RAPGEF5: variants seen among roughly 807,000 people sequenced by gnomAD.
The protein encoded by RAPGEF5 is Rap guanine nucleotide exchange factor 5, also known as M-Ras-regulated GEF.
RAPGEF5 carries 65 observed loss-of-function variants against 125.2 expected under a neutral mutation model. The observed-to-expected ratio is 0.52, with a 90% CI of 0.43 to 0.64. RAPGEF5 has a LOEUF of 0.64. RAPGEF5 is among the 30% of genes least tolerant of loss of function. The pLI, the probability that RAPGEF5 is intolerant of heterozygous loss-of-function variation, is 0.00. For missense variants in RAPGEF5, 958 were observed against 1,048.1 expected (o/e 0.91, Z 1.19); for synonymous variants, 391 against 385.9 (o/e 1.01, Z -0.16).
intron 1 of RAPGEF5, among the ~76,000 whole-genome samples, chr7:22,323,701 G>A (rs1472740362): frequency 6.6e-6 from 1 of 152,106 alleles, no homozygotes; most frequent in East Asian, 1.9e-4. Flanking sequence ...CCTCCCTACA[G>A]CAACCAACGT....
chr7:22,127,972 T>C (rs951222146), intron 24 of RAPGEF5, among the ~76,000 whole-genome samples: 1 of 152,204 alleles, frequency 6.6e-6, no homozygotes, highest in African/African-American at 2.4e-5. Flanking sequence ...ACCTGACTCA[T>C]GTCTGTGCAT....
intron 18 of RAPGEF5, among the ~76,000 whole-genome samples, chr7:22,147,958 C>T (rs542884324): frequency 2.7e-4 from 41 of 152,156 alleles, no homozygotes; most frequent in African/African-American, 7.9e-4. Flanking sequence ...TTGATGAAAA[C>T]GTTTCCTATT....
Position 22,150,499 on chromosome 7 carries a change from GC to G in RAPGEF5, c.1791del (p.Lys597AsnfsTer9). On this transcript the variant is annotated frameshift_variant, in exon 18 of 26. Coordinates refer to ENST00000665637, the MANE Select transcript of RAPGEF5 (RefSeq NM_012294.5). LOFTEE classifies it high-confidence loss of function. ...ACTAAGTCATTTGGCTGAAGTTCAT[GC>G]TTTTCTTTATTTGAAAAAAAAAAAA... ...ALVAITFSGE[K>X]HELQPNDLVI... The G allele has an allele frequency of 7.0e-7, 1 of 1,425,700 alleles. No homozygotes were observed. Among genetic ancestry groups the G allele is most frequent in the Non-Finnish European group, 9.3e-7 (1 of 1,075,596 alleles). 88.3% of individuals were successfully genotyped at this position (1,425,700 alleles called of 1,614,324 possible). A position where few individuals can be genotyped will look rare whatever the true frequency, so the allele number is the denominator to read the frequency against.
chr7:22,224,356 T>C (rs1403597463), intron 8 of RAPGEF5, among the ~76,000 whole-genome samples: 3 of 152,186 alleles, frequency 2.0e-5, no homozygotes, highest in Non-Finnish European at 4.4e-5. Context: ...ACTGGGGCAA[T>C]TTCTACTTAC....
At chr7:22,356,047 C>T (rs1583601703) in intron 1 of RAPGEF5, 2 of 985,354 alleles carry the variant, frequency 2.0e-6, no homozygotes, top group Non-Finnish European at 2.4e-6. Context: ...GAGGCCCTGG[C>T]GGGGCCTCCT....
At chr7:22,311,955 AG>A (rs1783479727) in intron 3 of RAPGEF5, among the ~76,000 whole-genome samples, 1 of 152,372 alleles carries the variant, frequency 6.6e-6, no homozygotes, top group East Asian at 1.9e-4. Context: ...AAAACAATGC[AG>A]GTCCTCAGTC....
chr7:22,127,991 C>T (rs1782801318), intron 24 of RAPGEF5, among the ~76,000 whole-genome samples: 1 of 152,280 alleles, frequency 6.6e-6, no homozygotes, highest in South Asian at 2.1e-4. Context: ...ATGTATTGTT[C>T]AGTTTCCTTC....
intron 7 of RAPGEF5, among the ~76,000 whole-genome samples, chr7:22,244,344 T>C (rs1057450418): frequency 1.3e-5 from 2 of 152,200 alleles, no homozygotes; most frequent in African/African-American, 2.4e-5. Context: ...TGCTGATCCA[T>C]GGCCTGTTAG....
At chr7:22,289,808 T>C (rs1160778067) in intron 6 of RAPGEF5, among the ~76,000 whole-genome samples, 3 of 152,184 alleles carry the variant, frequency 2.0e-5, no homozygotes, top group Non-Finnish European at 2.9e-5. Flanking sequence ...CAGTTTCCCA[T>C]GCTGTTCTAA....
intron 12 of RAPGEF5, among the ~76,000 whole-genome samples, chr7:22,163,557 A>G (rs1349102937): frequency 6.6e-6 from 1 of 152,228 alleles, no homozygotes; most frequent in Non-Finnish European, 1.5e-5. Context: ...GAGCATATGA[A>G]TTATTTTTAT....
At chr7:22,212,406 G>A (rs1785531702) in intron 9 of RAPGEF5, among the ~76,000 whole-genome samples, 1 of 152,126 alleles carries the variant, frequency 6.6e-6, no homozygotes, top group Non-Finnish European at 1.5e-5. Flanking sequence ...CAAGGTCCCT[G>A]TTAAATGCTT....
chr7:22,239,518 C>G (rs975458424), intron 7 of RAPGEF5, among the ~76,000 whole-genome samples: 4 of 152,022 alleles, frequency 2.6e-5, no homozygotes, highest in African/African-American at 7.2e-5. Context: ...AGGGGCAACT[C>G]AAGCCACTGA....
chr7:22,328,933 G>A (rs562859658), intron 1 of RAPGEF5, among the ~76,000 whole-genome samples: 72 of 152,314 alleles, frequency 4.7e-4, no homozygotes, highest in Non-Finnish European at 8.8e-4. Flanking sequence ...CAAACTTACT[G>A]GATGTATTTT....
chr7:22,201,648 C>T (rs1388275732), intron 9 of RAPGEF5, among the ~76,000 whole-genome samples: 1 of 152,190 alleles, frequency 6.6e-6, no homozygotes, highest in Non-Finnish European at 1.5e-5. Flanking sequence ...TTGTCTAGTG[C>T]CTATATCAGT....
intron 18 of RAPGEF5, among the ~76,000 whole-genome samples, chr7:22,148,104 C>T (rs916165620): frequency 6.6e-6 from 1 of 152,098 alleles, no homozygotes; most frequent in Non-Finnish European, 1.5e-5. Context: ...AAAGCAATGA[C>T]CAAACGAACC....
chr7:22,317,056 C>G (rs1465665675), intron 2 of RAPGEF5, among the ~76,000 whole-genome samples: 10 of 151,134 alleles, frequency 6.6e-5, no homozygotes, highest in Non-Finnish European at 2.9e-5. Context: ...TAAGCTGACA[C>G]TTGACTAGTC....
At chr7:22,130,384 C>T (rs1393463034) in intron 24 of RAPGEF5, among the ~76,000 whole-genome samples, 1 of 152,168 alleles carries the variant, frequency 6.6e-6, no homozygotes, top group East Asian at 1.9e-4. Context: ...GGAAATCATT[C>T]AGGAAGCAGT....
chr7:22,246,476 G>A (rs1013489053), intron 7 of RAPGEF5, among the ~76,000 whole-genome samples: 1 of 152,094 alleles, frequency 6.6e-6, no homozygotes, highest in African/African-American at 2.4e-5. Context: ...AAGCAATGGG[G>A]AAAGGACTCC....
rs1371693764 is a variant in RAPGEF5, at chr7:22,118,778, CAATA to C, written c.*3624_*3627del. On this transcript the variant is annotated 3_prime_UTR_variant, in exon 26 of 26. Coordinates refer to ENST00000665637, the MANE Select transcript of RAPGEF5 (RefSeq NM_012294.5). ...ATTTAATAACAGTGTGATACGAATA[CAATA>C]AATAGACTATGCAAATAAATATTAC... is the stretch of plus-strand genomic sequence containing the variant. 1 of 152,508 alleles carries C rather than the reference CAATA, an allele frequency of 6.6e-6. No individual in the cohort carries two copies. The highest frequency in any genetic ancestry group is 2.4e-5 in the African/African-American group (1 of 41,390). 9.4% of individuals were successfully genotyped at this position (152,508 alleles called of 1,614,324 possible).
Sources: allele counts gnomAD v4.1 joint callset (sites outside exome capture counted in the v4.1 genomes callset), GRCh38; gene constraint gnomAD v4.1.1; transcripts MANE v1.5; gene names NCBI Gene and HGNC (gene_info 2026-07-23, HGNC 2026-07-21).